HEYL: variants seen among roughly 807,000 people sequenced by gnomAD.
HEYL encodes hairy/enhancer-of-split related with YRPW motif-like protein.
HEYL carries 12 observed loss-of-function variants against 18.6 expected under a neutral mutation model. That is an observed-to-expected ratio of 0.65 (90% CI 0.41 to 1.05). HEYL has a LOEUF of 1.05. HEYL is among the 50% of genes least tolerant of loss of function. The pLI, the probability that HEYL is intolerant of heterozygous loss-of-function variation, is 0.00. For missense variants in HEYL, 420 were observed against 444.7 expected (o/e 0.94, Z 0.50); for synonymous variants, 159 against 179.6 (o/e 0.89, Z 0.91).
chr1:39,632,828 C>T, intron 1 of HEYL, 113 bp from the exon 2 acceptor site: 6 of 1,537,728 alleles, frequency 3.9e-6, no homozygotes, highest in Non-Finnish European at 8.7e-7. Context: ...GCAGCTTGCT[C>T]TCCCCTTCTT....
Position 39,626,906 on chromosome 1 carries a change from C to T in HEYL, c.588G>A (p.Leu196=), listed in dbSNP as rs753832825. 12 of 1,609,806 alleles carry T rather than the reference C, an allele frequency of 7.5e-6. No individual in the cohort carries two copies. Among genetic ancestry groups the T allele is most frequent in the Non-Finnish European group, 3.4e-6 (4 of 1,177,428 alleles). Residue 196 remains leucine (L), a synonymous_variant, in exon 5 of 5, where the codon CTG becomes CTA. Coordinates refer to ENST00000372852, the MANE Select transcript of HEYL (RefSeq NM_014571.4). The stretch of plus-strand genomic sequence containing the variant: ...GGAGGACAGGGCTGGGCACTCTTCC[C>T]AGGATGGCGAGCTGGTTGCTCAGGG... ...LPALSNQLAI[L]GRVPSPVLPG...
chr1:39,628,282 T>G lies in HEYL; in HGVS notation c.314-1102A>C, dbSNP rs576820114. On this transcript the variant is annotated intron_variant, in intron 4 of 4. Transcript: ENST00000372852. Reference sequence around the variant, plus strand: ...TTCTGCGTTTGCTGTTCTTTTTTTCTTTTTTTATTTTTTTTGAGATGGAGT... The same window carrying G: ...TTCTGCGTTTGCTGTTCTTTTTTTCGTTTTTTATTTTTTTTGAGATGGAGT... Among the ~76,000 whole-genome samples, 155 of 152,330 alleles carry G rather than the reference T, an allele frequency of 1.0e-3. No individual in the cohort carries two copies. In the Middle Eastern group the frequency reaches 0.01, roughly 10 times the overall value.
chr1:39,637,512 G>A (rs775501965), intron 1 of HEYL, among the ~76,000 whole-genome samples: 46 of 152,324 alleles, frequency 3.0e-4, no homozygotes, highest in South Asian at 2.1e-4. Context: ...CCAGCCCAGG[G>A]TCTGGGCCAC....
rs1203955672 is a variant in HEYL at position 39,624,193 on chromosome 1, A to G, written c.*2314T>C. The stretch of plus-strand genomic sequence containing the variant: ...AAAAAATCTTTATTGGATGTCCGCA[A>G]CAACCCATGCAATGGGGTAGGAGTT... On this transcript the variant is annotated 3_prime_UTR_variant, in exon 5 of 5. Coordinates refer to ENST00000372852, the MANE Select transcript of HEYL (RefSeq NM_014571.4). 3.3e-5 allele frequency: 5 copies of G among 152,266 alleles called. No individual in the cohort carries two copies. Among genetic ancestry groups the G allele is most frequent in the African/African-American group, 1.2e-4 (5 of 41,452 alleles). 9.4% of individuals were successfully genotyped at this position (152,266 alleles called of 1,614,324 possible).
At chr1:39,628,289 A>C (rs578167772) in intron 4 of HEYL, among the ~76,000 whole-genome samples, 54 of 151,392 alleles carry the variant, frequency 3.6e-4, no homozygotes, top group South Asian at 6.3e-4. Context: ...TTCTTTTTTT[A>C]TTTTTTTTGA....
chr1:39,634,760 A>G (rs1385458300), intron 1 of HEYL, among the ~76,000 whole-genome samples: 1 of 152,154 alleles, frequency 6.6e-6, no homozygotes, highest in Non-Finnish European at 1.5e-5. Flanking sequence ...TGGTTATTTG[A>G]TTGATGTCTA....
At chr1:39,635,456 A>G (rs1047723988) in intron 1 of HEYL, among the ~76,000 whole-genome samples, 1 of 152,148 alleles carries the variant, frequency 6.6e-6, no homozygotes, top group African/African-American at 2.4e-5. Context: ...TGACGCACCC[A>G]TTTCAGGGCA....
intron 1 of HEYL, among the ~76,000 whole-genome samples, chr1:39,638,456 A>AAAAG (rs888679931): frequency 1.3e-5 from 2 of 152,188 alleles, no homozygotes; most frequent in Non-Finnish European, 2.9e-5. Flanking sequence ...GACCATGTCA[A>AAAAG]AAAGAAAGAA....
chr1:39,630,971 G>C (rs967414644), intron 3 of HEYL, among the ~76,000 whole-genome samples: 2 of 152,206 alleles, frequency 1.3e-5, no homozygotes, highest in Non-Finnish European at 2.9e-5. Context: ...GGAAGGCAGA[G>C]GACCCGTGAC....
Position 39,639,557 on chromosome 1 carries a change from C to T in HEYL, c.69G>A (p.Glu23=), listed in dbSNP as rs753109580. The change falls in exon 1 of 5, where the codon GAG becomes GAA. Residue 23 remains glutamate (E), a synonymous_variant. Coordinates refer to ENST00000372852, the MANE Select transcript of HEYL (RefSeq NM_014571.4). ...ATCCCGGCCCTTACCTCAGCTGGCC[C>T]TCTTGGCCCACGTCGATGGGTCCGT... ...ESDGPIDVGQ[E]GQLSQMARPL... is the part of the protein sequence containing the mutation. 6 of 1,584,322 alleles carry T rather than the reference C, an allele frequency of 3.8e-6. No individual in the cohort carries two copies. Among genetic ancestry groups the T allele is most frequent in the South Asian group, 1.1e-5 (1 of 87,962 alleles).
At chr1:39,634,186 C>T (rs912008509) in intron 1 of HEYL, among the ~76,000 whole-genome samples, 3 of 152,192 alleles carry the variant, frequency 2.0e-5, no homozygotes, top group Non-Finnish European at 1.5e-5. Flanking sequence ...ACCTCCGCCA[C>T]CCGGTTCAAG....
At chr1:39,631,934 C>T (rs1349243034) in intron 2 of HEYL, among the ~76,000 whole-genome samples, 1 of 152,214 alleles carries the variant, frequency 6.6e-6, no homozygotes, top group Non-Finnish European at 1.5e-5. Context: ...AGGGTGACCC[C>T]GTCATCTGTG....
chr1:39,632,588 A>G, intron 2 of HEYL, 61 bp downstream of exon 2: 9 of 1,447,486 alleles, frequency 6.2e-6, no homozygotes, highest in Non-Finnish European at 7.6e-6. Flanking sequence ...CCGCCGCCAG[A>G]CTGCAGGGGA....
rs771588043 is a variant in HEYL, at chr1:39,627,195, G to C, written c.314-15C>G. ...ATCAAAGAATCCTGCAAAGGGAGGC[G>C]TGATGAAGGTCATGCCAGGTGTGGG... On this transcript the variant is annotated splice_polypyrimidine_tract_variant and intron_variant, in intron 4 of 4. Coordinates refer to ENST00000372852, the MANE Select transcript of HEYL (RefSeq NM_014571.4). 5.6e-5 allele frequency: 90 copies of C among 1,602,318 alleles called. 1 individual carries two copies. The East Asian group carries it at 2.0e-3, about 36-fold the overall frequency.
rs940066359 is a variant in HEYL at position 39,639,463 on chromosome 1, G to A, written c.80+83C>T. 7.1e-5 allele frequency: 86 copies of A among 1,205,696 alleles called. 1 individual carries two copies. The Middle Eastern group carries it at 2.3e-3, about 32-fold the overall frequency. The allele number at this position is 1,205,696 out of a possible 1,614,324, so 74.7% of individuals were successfully genotyped here. A position where few individuals can be genotyped will look rare whatever the true frequency, so the allele number is the denominator to read the frequency against. On this transcript the variant is annotated intron_variant, in intron 1 of 4. Coordinates refer to ENST00000372852, the MANE Select transcript of HEYL (RefSeq NM_014571.4). ...CTGCCCAGGCGGTGCTGGAGGGCTG[G>A]CCCGCCTGCTCGGCGAGCCCGTCGG... is the stretch of plus-strand genomic sequence containing the variant.
At chr1:39,628,293 T>C (rs1371646592) in intron 4 of HEYL, among the ~76,000 whole-genome samples, 1 of 152,222 alleles carries the variant, frequency 6.6e-6, no homozygotes, top group African/African-American at 2.4e-5. Context: ...TTTTTTATTT[T>C]TTTTGAGATG....
At position 39,633,260 on chromosome 1, in the gene HEYL, T is replaced by C. The variant is rs567645210; in HGVS notation, c.81-545A>G. Among the ~76,000 whole-genome samples the C allele has an allele frequency of 5.1e-4, 78 of 152,228 alleles. No individual in the cohort carries two copies. In the South Asian group the frequency reaches 0.015, roughly 29 times the overall value. On this transcript the variant is annotated intron_variant, in intron 1 of 4. Transcript: ENST00000372852. Reference sequence around the variant, plus strand: ...GGTCACAGGCCCCTCTCGGATGCTCTGGGACACTGCCCTGGCCTCCCAGAA... The same window carrying C: ...GGTCACAGGCCCCTCTCGGATGCTCCGGGACACTGCCCTGGCCTCCCAGAA...
chr1:39,628,281 C>A (rs544594896), intron 4 of HEYL, among the ~76,000 whole-genome samples: 2 of 152,114 alleles, frequency 1.3e-5, no homozygotes, highest in Non-Finnish European at 2.9e-5. Flanking sequence ...TTCTTTTTTT[C>A]TTTTTTTATT....
chr1:39,635,655 G>A (rs1407143296), intron 1 of HEYL, among the ~76,000 whole-genome samples: 5 of 152,188 alleles, frequency 3.3e-5, no homozygotes, highest in African/African-American at 1.2e-4. Flanking sequence ...CTGAGCTTCA[G>A]GGAGCTAAAG....
Sources: allele counts gnomAD v4.1 joint callset (sites outside exome capture counted in the v4.1 genomes callset), GRCh38; gene constraint gnomAD v4.1.1; transcripts MANE v1.5; gene names NCBI Gene and HGNC (gene_info 2026-07-23, HGNC 2026-07-21).